Variants in FIGN observed in about 807,000 individuals in gnomAD.
FIGN encodes the protein fidgetin, microtubule severing factor, also known as fidgetin.
A neutral mutation model predicts 51.3 loss-of-function variants in FIGN; 11 were observed. The observed-to-expected ratio is 0.21, with a 90% CI of 0.13 to 0.35. The LOEUF is 0.35. FIGN is among the 10% of genes least tolerant of loss of function. The pLI, the probability that FIGN is intolerant of heterozygous loss-of-function variation, is 1.00. For missense variants in FIGN, 857 were observed against 943.6 expected (o/e 0.91, Z 1.20); for synonymous variants, 407 against 363.2 (o/e 1.12, Z -1.37).
chr2:163,629,867 A>C (rs1683117259), intron 2 of FIGN, among the ~76,000 whole-genome samples: 1 of 149,552 alleles, frequency 6.7e-6, no homozygotes, highest in Admixed American at 6.7e-5. Flanking sequence ...GTGAGAATTG[A>C]TGGAACAGAT....
At position 163,611,022 on chromosome 2, in the gene FIGN, CGGAGG is replaced by C; in HGVS notation, c.805_809del (p.Pro269AlafsTer96). ...TTCCTGAAGGCAGGTACGCTGAAGG[CGGAGG>C]CGGTGCCCCCCCAGGGCTGTACCCA... On this transcript the variant is annotated frameshift_variant, in exon 3 of 3. Transcript: ENST00000333129. LOFTEE classifies it high-confidence loss of function. 1 of 1,613,804 alleles carries C rather than the reference CGGAGG, an allele frequency of 6.2e-7. No individual in the cohort carries two copies. Among genetic ancestry groups the C allele is most frequent in the Non-Finnish European group, 8.5e-7 (1 of 1,179,988 alleles).
At chr2:163,660,670 CATAT>C (rs147952912) in intron 2 of FIGN, among the ~76,000 whole-genome samples, 3 of 54,134 alleles carry the variant, frequency 5.5e-5, no homozygotes, top group Non-Finnish European at 1.0e-4. Flanking sequence ...TATACATATA[CATAT>C]ATATATATAT....
intron 2 of FIGN, among the ~76,000 whole-genome samples, chr2:163,655,636 G>A (rs1364233187): frequency 6.6e-6 from 1 of 152,064 alleles, no homozygotes; most frequent in Admixed American, 6.6e-5. Context: ...GGAAAATCAT[G>A]TTATATTCCA....
intron 2 of FIGN, among the ~76,000 whole-genome samples, chr2:163,700,827 G>A (rs772900609): frequency 9.9e-5 from 15 of 151,972 alleles, no homozygotes; most frequent in Non-Finnish European, 1.5e-5. Flanking sequence ...CTGAAACAGG[G>A]CCCAGGGCCC....
At chr2:163,692,544 A>T (rs1684255161) in intron 2 of FIGN, among the ~76,000 whole-genome samples, 1 of 152,208 alleles carries the variant, frequency 6.6e-6, no homozygotes, top group Non-Finnish European at 1.5e-5. Flanking sequence ...AAAGATGTTT[A>T]AAAAGTTGTC....
intron 2 of FIGN, among the ~76,000 whole-genome samples, chr2:163,655,802 CACAG>C (rs1216816866): frequency 1.5e-5 from 2 of 136,148 alleles, no homozygotes; most frequent in African/African-American, 6.9e-5. Flanking sequence ...CACACACACA[CACAG>C]AGAGAGAGAG....
At chr2:163,656,089 TAAC>T (rs1683555040) in intron 2 of FIGN, among the ~76,000 whole-genome samples, 1 of 152,160 alleles carries the variant, frequency 6.6e-6, no homozygotes, top group Non-Finnish European at 1.5e-5. Flanking sequence ...TAACTAGTGT[TAAC>T]AACCAAATAT....
chr2:163,634,138 A>G (rs574384986), intron 2 of FIGN, among the ~76,000 whole-genome samples: 1 of 150,714 alleles, frequency 6.6e-6, no homozygotes, highest in East Asian at 2.0e-4. Context: ...CTCACTTTAA[A>G]AAAAGAAAAC....
intron 2 of FIGN, among the ~76,000 whole-genome samples, chr2:163,613,040 A>G (rs891357045): frequency 1.3e-4 from 20 of 152,266 alleles, no homozygotes; most frequent in African/African-American, 4.8e-4. Flanking sequence ...AGTCAGAATA[A>G]TTTGAATTTT....
chr2:163,614,354 G>A (rs1373602044), intron 2 of FIGN, among the ~76,000 whole-genome samples: 3 of 152,040 alleles, frequency 2.0e-5, no homozygotes, highest in Non-Finnish European at 4.4e-5. Context: ...GGAACCAATC[G>A]CAAGTAATCA....
At chr2:163,668,802 G>C (rs1032562925) in intron 2 of FIGN, among the ~76,000 whole-genome samples, 47 of 151,696 alleles carry the variant, frequency 3.1e-4, no homozygotes, top group East Asian at 3.9e-4. Flanking sequence ...TTAGCCGGGC[G>C]TGGTGGCGGG....
At chr2:163,711,299 AT>A (rs1470090020) in intron 2 of FIGN, among the ~76,000 whole-genome samples, 2 of 152,222 alleles carry the variant, frequency 1.3e-5, no homozygotes, top group Non-Finnish European at 2.9e-5. Flanking sequence ...TTATTGAGTA[AT>A]TAAACACCTA....
chr2:163,702,933 T>TGCCCCA (rs1160819671), intron 2 of FIGN, among the ~76,000 whole-genome samples: 1 of 152,106 alleles, frequency 6.6e-6, no homozygotes, highest in African/African-American at 2.4e-5. Context: ...TGCCTTAATT[T>TGCCCCA]TATGTTTTCC....
At chr2:163,626,800 G>A (rs1363638431) in intron 2 of FIGN, among the ~76,000 whole-genome samples, 1 of 152,000 alleles carries the variant, frequency 6.6e-6, no homozygotes, top group Admixed American at 6.6e-5. Context: ...AACAGGTTGC[G>A]GTAAAGAAGC....
Position 163,733,109 on chromosome 2 carries a change from AC to A in FIGN, c.25+1793del, listed in dbSNP as rs200863190. ...GTCTACTTTATATATATGTATGTAAACTTTCACCCCTAGAATTCTAATATAT... is the reference window on the plus strand; with the variant it reads ...GTCTACTTTATATATATGTATGTAAATTTCACCCCTAGAATTCTAATATAT... On this transcript the variant is annotated intron_variant, in intron 2 of 2. Coordinates refer to ENST00000333129, the MANE Select transcript of FIGN (RefSeq NM_018086.4). 5.7e-3 allele frequency among the ~76,000 whole-genome samples: 861 copies of A among 152,302 alleles called. 15 individuals carry two copies. Among genetic ancestry groups the A allele is most frequent in the Admixed American group, 0.04 (611 of 15,298 alleles).
At chr2:163,679,256 G>C (rs1684019896) in intron 2 of FIGN, among the ~76,000 whole-genome samples, 1 of 152,010 alleles carries the variant, frequency 6.6e-6, no homozygotes, top group South Asian at 2.1e-4. Context: ...CACTTTGGGA[G>C]GCCGAGGCGG....
Position 163,606,310 on chromosome 2 carries a change from A to G in FIGN, c.*3242T>C, listed in dbSNP as rs772723660. 6.6e-6 allele frequency: 1 copy of G among 152,096 alleles called. No homozygotes were observed. The highest frequency in any genetic ancestry group is 2.4e-5 in the African/African-American group (1 of 41,444). 9.4% of individuals were successfully genotyped at this position (152,096 alleles called of 1,614,324 possible). ...CATTTGTGTCACATATAAGGTCATT[A>G]TGAACTACCTCTTGAATTTCTATTG... On this transcript the variant is annotated 3_prime_UTR_variant, in exon 3 of 3. Transcript: ENST00000333129.
intron 2 of FIGN, among the ~76,000 whole-genome samples, chr2:163,649,117 T>C (rs1171576653): frequency 2.0e-5 from 3 of 152,200 alleles, no homozygotes; most frequent in Non-Finnish European, 2.9e-5. Context: ...ATTGAGTTTC[T>C]TGCATGCAAA....
intron 2 of FIGN, among the ~76,000 whole-genome samples, chr2:163,729,236 CATATGAAATAT>C (rs1268729537): frequency 1.3e-5 from 2 of 151,790 alleles, no homozygotes; most frequent in Non-Finnish European, 1.5e-5. Flanking sequence ...TCTACATACA[CATATGAAATAT>C]ATATGAAATA....
Sources: gnomAD v4.1 joint callset for allele counts (sites outside exome capture counted in the v4.1 genomes callset) on GRCh38, gnomAD v4.1.1 for gene constraint, MANE v1.5 for transcripts, NCBI Gene and HGNC (gene_info 2026-07-23, HGNC 2026-07-21) for gene names.